TAF4: variants seen among roughly 807,000 people sequenced by gnomAD.
TAF4 encodes the protein TATA-box binding protein associated factor 4.
Under a neutral mutation model 90.3 loss-of-function variants are expected in TAF4, and 9 were observed. The observed-to-expected ratio is 0.10, with a 90% CI of 0.06 to 0.17. The LOEUF is 0.17. Ranked by LOEUF, TAF4 falls within the 10% of genes least tolerant of loss-of-function variation. The pLI is 1.00. For synonymous variants in TAF4, 818 were observed against 638.9 expected, an observed-to-expected ratio of 1.28 and a Z score of -4.23; for missense variants, 1,351 against 1,370.7, an observed-to-expected ratio of 0.99 and a Z score of 0.23.
intron 1 of TAF4, among the ~76,000 whole-genome samples, chr20:62,019,167 A>C (rs375654470): frequency 1.3e-5 from 2 of 152,344 alleles, no homozygotes; most frequent in East Asian, 3.9e-4. Flanking sequence ...TTCTTCACAG[A>C]AAGTTTAATA....
intron 1 of TAF4, among the ~76,000 whole-genome samples, chr20:62,044,845 C>G (rs2055983974): frequency 6.6e-6 from 1 of 152,186 alleles, no homozygotes; most frequent in African/African-American, 2.4e-5. Context: ...CATTCCAAGG[C>G]TCCTCCGGGA....
intron 4 of TAF4, 84 bp from the exon 5 acceptor site, chr20:62,009,258 G>T (rs1341475759): frequency 5.1e-5 from 66 of 1,298,654 alleles, no homozygotes; most frequent in Non-Finnish European, 1.3e-5. Flanking sequence ...ATATGCATAT[G>T]TACAAAAGAT....
At chr20:62,012,163 C>G (rs982486628) in intron 3 of TAF4, 2 of 152,328 alleles carry the variant, frequency 1.3e-5, no homozygotes, top group African/African-American at 4.8e-5. Flanking sequence ...CCAGCGGCCA[C>G]CAGGGTGGAT....
rs866097059 is a variant in TAF4 at position 62,064,935 on chromosome 20, G to A, written c.876C>T (p.Thr292=). 1,371 of 578,588 alleles carry A rather than the reference G, an allele frequency of 2.4e-3. 18 individuals are homozygous for A. In the African/African-American group the frequency reaches 0.027, roughly 11 times the overall value. 35.8% of individuals were successfully genotyped at this position (578,588 alleles called of 1,614,324 possible). Residue 292 remains threonine (T), a synonymous_variant, in exon 1 of 15, where the codon ACC becomes ACT. Transcript: ENST00000252996. ...CGGGGGGCGGCACGGCGGGCGCGGC[G>A]GTCGGGGGTCCGGCGGGGTGGCCGG... is the stretch of plus-strand genomic sequence containing the variant. The part of the protein sequence containing the change: ...RPPGHPAGPP[T]AAPAVPPPAA...
intron 11 of TAF4, 109 bp from the exon 12 acceptor site, chr20:61,999,217 G>A: frequency 5.6e-6 from 8 of 1,417,866 alleles, no homozygotes; most frequent in Non-Finnish European, 7.7e-6. Flanking sequence ...CCTCCGTCCA[G>A]TCTGAATGCG....
chr20:62,054,421 A>G (rs1313718830), intron 1 of TAF4, among the ~76,000 whole-genome samples: 1 of 152,324 alleles, frequency 6.6e-6, no homozygotes, highest in African/African-American at 2.4e-5. Flanking sequence ...TGCACACACA[A>G]GAGCAAAGCG....
intron 9 of TAF4, among the ~76,000 whole-genome samples, chr20:62,001,198 C>T (rs903941694): frequency 2.0e-5 from 3 of 152,210 alleles, no homozygotes; most frequent in Non-Finnish European, 4.4e-5. Flanking sequence ...CAGACAAGGG[C>T]ATCCCCTCCA....
rs1196316927 is a variant in TAF4, at chr20:62,064,685, C to T, written c.1126G>A (p.Gly376Arg). 10 of 1,263,526 alleles carry T rather than the reference C, an allele frequency of 7.9e-6. No individual in the cohort carries two copies. The highest frequency in any genetic ancestry group is 4.8e-5 in the African/African-American group (3 of 62,548). 78.3% of individuals were successfully genotyped at this position (1,263,526 alleles called of 1,614,324 possible). A position where few individuals can be genotyped will look rare whatever the true frequency, so the allele number is the denominator to read the frequency against. Residue 376 changes from glycine to arginine, a missense_variant, in exon 1 of 15, where the codon GGG becomes AGG. Transcript: ENST00000252996. ...GGCAGCGCCCCTTGCATAGTTGGCC[C>T]GATGACCATGCTGGCCGCCGTGCTG... is the stretch of plus-strand genomic sequence containing the variant. Reference protein sequence around the residue: ...PASTAASMVIGPTMQGALPSP... With the variant: ...PASTAASMVIRPTMQGALPSP...
At chr20:62,045,065 G>GA (rs1345263136) in intron 1 of TAF4, among the ~76,000 whole-genome samples, 1 of 152,212 alleles carries the variant, frequency 6.6e-6, no homozygotes, top group Non-Finnish European at 1.5e-5. Context: ...TGACTACAAG[G>GA]AAAAGAAAAC....
chr20:61,985,308 T>C (rs956576309), intron 14 of TAF4, among the ~76,000 whole-genome samples: 1 of 151,462 alleles, frequency 6.6e-6, no homozygotes. Context: ...CCAGGCCTGG[T>C]TGTGTGTGCC....
At chr20:62,014,849 A>G (rs2123151521) in intron 1 of TAF4, 142 bp from the exon 2 acceptor site, 1 of 1,139,750 alleles carries the variant, frequency 8.8e-7, no homozygotes. Flanking sequence ...CCCCAAACTC[A>G]AAACACACTT....
Position 62,003,249 on chromosome 20 carries a change from TAAC to T in TAF4, c.2394_2396del (p.Leu799del), listed in dbSNP as rs2055719061. On this transcript the variant is annotated inframe_deletion, in exon 9 of 15. Coordinates refer to ENST00000252996, the MANE Select transcript of TAF4 (RefSeq NM_003185.4). ...CAGCAGAAAGGGCTTTGGTTCCAGG[TAAC>T]ACGGCGGGTTTCACCACAGGGACTA... The T allele has an allele frequency of 6.2e-7, 1 of 1,614,004 alleles. No homozygotes were observed.
chr20:61,977,005 T>G (rs2055498847), intron 14 of TAF4, among the ~76,000 whole-genome samples: 1 of 152,196 alleles, frequency 6.6e-6, no homozygotes, highest in Non-Finnish European at 1.5e-5. Context: ...CGGTTTCAGC[T>G]GATGACACCT....
chr20:62,039,979 C>T (rs904186002), intron 1 of TAF4, among the ~76,000 whole-genome samples: 4 of 152,190 alleles, frequency 2.6e-5, no homozygotes, highest in African/African-American at 7.2e-5. Flanking sequence ...GGCTAAAATT[C>T]AAGACTGACC....
intron 14 of TAF4, among the ~76,000 whole-genome samples, chr20:61,996,897 A>G (rs1175175274): frequency 1.3e-5 from 2 of 152,154 alleles, no homozygotes; most frequent in African/African-American, 2.4e-5. Context: ...AGAAATCCCA[A>G]CAGCTCTCCT....
At chr20:62,008,034 C>CATTTTTTAATGAT in intron 5 of TAF4, 1 of 165,692 alleles carries the variant, frequency 6.0e-6, no homozygotes, top group Non-Finnish European at 1.3e-5. Flanking sequence ...TGCAGGAGGT[C>CATTTTTTAATGAT]ACAGCGTGCC....
At chr20:61,981,015 A>G (rs1457044835) in intron 14 of TAF4, 1 of 152,520 alleles carries the variant, frequency 6.6e-6, no homozygotes, top group Non-Finnish European at 1.5e-5. Context: ...GCATGTCCTG[A>G]GAGGAGCCCT....
intron 1 of TAF4, among the ~76,000 whole-genome samples, chr20:62,047,613 C>T (rs752375950): frequency 6.6e-6 from 1 of 152,148 alleles, no homozygotes; most frequent in Non-Finnish European, 1.5e-5. Flanking sequence ...CTCAGGACAG[C>T]GCTAGAGGCA....
chr20:62,047,027 G>A lies in TAF4; in HGVS notation c.1360+17424C>T, dbSNP rs28382010. Reference sequence around the variant, plus strand: ...CTTGCCTTTTCATTGTCTTAACAACGTCTGTCAACCAGCAAAAGTTTTCCT... The same window carrying A: ...CTTGCCTTTTCATTGTCTTAACAACATCTGTCAACCAGCAAAAGTTTTCCT... On this transcript the variant is annotated intron_variant, in intron 1 of 14. Coordinates refer to ENST00000252996, the MANE Select transcript of TAF4 (RefSeq NM_003185.4). 8.5e-5 allele frequency among the ~76,000 whole-genome samples: 13 copies of A among 152,202 alleles called. No homozygotes were observed. The East Asian group carries it at 9.6e-4, about 11-fold the overall frequency.
Sources: gnomAD v4.1 joint callset for allele counts (sites outside exome capture counted in the v4.1 genomes callset) on GRCh38, gnomAD v4.1.1 for gene constraint, MANE v1.5 for transcripts, NCBI Gene and HGNC (gene_info 2026-07-23, HGNC 2026-07-21) for gene names.